CTCFL: variants seen among roughly 807,000 people sequenced by gnomAD.
CTCFL encodes the protein transcriptional repressor CTCFL.
In CTCFL, 36 loss-of-function variants were observed where a neutral mutation model predicts 67.4. That is an observed-to-expected ratio of 0.53 (90% CI 0.41 to 0.71). CTCFL has a LOEUF of 0.71. Ranked by LOEUF, CTCFL falls within the 30% of genes least tolerant of loss-of-function variation. The pLI is 0.00. For missense variants in CTCFL, 786 were observed against 835.2 expected (o/e 0.94, Z 0.73); for synonymous variants, 324 against 302.3 (o/e 1.07, Z -0.75).
At chr20:57,518,220 C>T (rs1340765846) in intron 5 of CTCFL, among the ~76,000 whole-genome samples, 2 of 152,188 alleles carry the variant, frequency 1.3e-5, no homozygotes, top group African/African-American at 2.4e-5. Context: ...GCCTGTTTCA[C>T]GTGAGTACCG....
chr20:57,508,905 G>T, intron 8 of CTCFL, 117 bp from the exon 9 acceptor site: 1 of 926,328 alleles, frequency 1.1e-6, no homozygotes, highest in Non-Finnish European at 1.6e-6. Flanking sequence ...CCACTATTAA[G>T]CAGAATTACT....
At chr20:57,520,356 C>T (rs1189222877) in intron 3 of CTCFL, among the ~76,000 whole-genome samples, 2 of 152,164 alleles carry the variant, frequency 1.3e-5, no homozygotes, top group Non-Finnish European at 2.9e-5. Flanking sequence ...AGACTCAGAC[C>T]TACAAAGACT....
At chr20:57,522,411 G>A (rs6099667) in intron 3 of CTCFL, among the ~76,000 whole-genome samples, 1 of 152,260 alleles carries the variant, frequency 6.6e-6, no homozygotes, top group Non-Finnish European at 1.5e-5. Context: ...TATTTTCATA[G>A]GACAAATTCA....
At chr20:57,502,176 G>T (rs1600636663) in intron 10 of CTCFL, among the ~76,000 whole-genome samples, 1 of 152,140 alleles carries the variant, frequency 6.6e-6, no homozygotes, top group Admixed American at 6.5e-5. Flanking sequence ...AAGGCAGGCC[G>T]GGGGCACACC....
chr20:57,505,908 T>G (rs1290243116), intron 9 of CTCFL, among the ~76,000 whole-genome samples: 1 of 152,246 alleles, frequency 6.6e-6, no homozygotes, highest in African/African-American at 2.4e-5. Flanking sequence ...TTGCAAATTA[T>G]GCGAAACATC....
chr20:57,508,519 G>T, intron 9 of CTCFL, 87 bp downstream of exon 9: 1 of 1,267,600 alleles, frequency 7.9e-7, no homozygotes, highest in Non-Finnish European at 1.1e-6. Flanking sequence ...TTCTATAATC[G>T]GGTTTAAACT....
At chr20:57,519,171 A>G (rs1441729185) in intron 4 of CTCFL, 36 bp downstream of exon 4, 27 of 1,604,120 alleles carry the variant, frequency 1.7e-5, no homozygotes, top group Non-Finnish European at 2.3e-5. Flanking sequence ...CTTAACACAC[A>G]TCATTCCAGA....
Position 57,523,707 on chromosome 20 carries a change from T to C in CTCFL, c.499A>G (p.Ser167Gly). ...EENVMVASED[S>G]KLAVSLAETT... ...TCAGCCAGGCTCACCGCTAACTTAC[T>C]GTCTTCACTGGCCACCATCACATTC... The change falls in exon 2 of 11, where the codon AGT becomes GGT. Residue 167 changes from serine (S) to glycine (G), a missense_variant. Coordinates refer to ENST00000243914, the MANE Select transcript of CTCFL (RefSeq NM_001386993.1). 1 of 1,613,510 alleles carries C rather than the reference T, an allele frequency of 6.2e-7. No homozygotes were observed. Among genetic ancestry groups the C allele is most frequent in the Non-Finnish European group, 8.5e-7 (1 of 1,180,004 alleles).
upstream of CTCFL, chr20:57,525,330 G>A: frequency 7.4e-6 from 1 of 134,234 alleles, no homozygotes; most frequent in Non-Finnish European, 1.6e-5. Context: ...GGATGAGGAG[G>A]GGAGGAGGGT....
At chr20:57,496,368 T>C, downstream of CTCFL, 1 of 604,998 alleles carries the variant, frequency 1.7e-6, no homozygotes, top group Non-Finnish European at 3.0e-6. Context: ...TGCGGAACTA[T>C]GAGTCAATTA....
chr20:57,497,350 C>T lies in CTCFL; in HGVS notation c.*1200G>A. The T allele has an allele frequency of 1.0e-6, 1 of 985,238 alleles. No homozygotes were observed. The highest frequency in any genetic ancestry group is 1.2e-6 in the Non-Finnish European group (1 of 829,794). 61.0% of individuals were successfully genotyped at this position (985,238 alleles called of 1,614,324 possible). ...GTACAAAGAGAATATAATGCTCTTC[C>T]TGCTGGGAAATTATTTCCACATATT... On this transcript the variant is annotated 3_prime_UTR_variant, in exon 11 of 11. Coordinates refer to ENST00000243914, the MANE Select transcript of CTCFL (RefSeq NM_001386993.1).
Position 57,523,276 on chromosome 20 carries a change from G to A in CTCFL, c.546C>T (p.Leu182=). ...ACTGGTTCTTCTCCTGCTCTTCCTCGAGCTAATAAACAACAAATATTCAAA... is the reference window on the plus strand; with the variant it reads ...ACTGGTTCTTCTCCTGCTCTTCCTCAAGCTAATAAACAACAAATATTCAAA... ...SLAETTGLIK[L]EEEQEKNQLL... The change falls in exon 3 of 11, where the codon CTC becomes CTT. Residue 182 remains leucine (L), a splice_region_variant and synonymous_variant. Transcript: ENST00000243914. 6.2e-7 allele frequency: 1 copy of A among 1,611,864 alleles called. No individual in the cohort carries two copies. The highest frequency in any genetic ancestry group is 8.5e-7 in the Non-Finnish European group (1 of 1,178,980).
chr20:57,497,306 G>A lies in CTCFL; in HGVS notation c.*1244C>T, dbSNP rs2067736972. On this transcript the variant is annotated 3_prime_UTR_variant, in exon 11 of 11. Transcript: ENST00000243914. The stretch of plus-strand genomic sequence containing the variant: ...ACAGAATTTAAATCTCATGTGAGTT[G>A]AGTTAAATTAATTTGCTGGTACAAA... 1 of 984,774 alleles carries A rather than the reference G, an allele frequency of 1.0e-6. No homozygotes were observed. The highest frequency in any genetic ancestry group is 4.7e-5 in the South Asian group (1 of 21,280). 61.0% of individuals were successfully genotyped at this position (984,774 alleles called of 1,614,324 possible).
chr20:57,519,103 A>G, intron 4 of CTCFL, 104 bp downstream of exon 4: 1 of 1,326,650 alleles, frequency 7.5e-7, no homozygotes, highest in Non-Finnish European at 1.0e-6. Flanking sequence ...AAACTAAAGT[A>G]TAAAATGTTA....
rs2068782826 is a variant in CTCFL, at chr20:57,514,627, T to C, written c.1295A>G (p.His432Arg). 1 of 1,614,184 alleles carries C rather than the reference T, an allele frequency of 6.2e-7. No individual in the cohort carries two copies. Among genetic ancestry groups the C allele is most frequent in the South Asian group, 1.1e-5 (1 of 91,080 alleles). Residue 432 changes from histidine to arginine, a missense_variant, in exon 7 of 11, where the codon CAT (histidine) becomes CGT (arginine). By Grantham distance (29) the His-to-Arg change is conservative. Around this residue, in one of 3 missense-constraint regions of CTCFL, gnomAD observed 254 missense variants for 333.9 expected, o/e 0.76. Transcript: ENST00000243914. ...TTTCCGTGCAATGATGGTGGCACAA[T>C]GGGGACACTGGTATTTGGGGACATT... ...GENVPKYQCP[H>R]CATIIARKSD...
chr20:57,497,449 C>A lies in CTCFL; in HGVS notation c.*1101G>T. ...ATATCTTAAGAATTTGAATTTAGGG[C>A]TTATCAATGATCTTGAAATACAGGG... On this transcript the variant is annotated 3_prime_UTR_variant, in exon 11 of 11. Transcript: ENST00000243914. 1 of 985,368 alleles carries A rather than the reference C, an allele frequency of 1.0e-6. No individual in the cohort carries two copies. Among genetic ancestry groups the A allele is most frequent in the Non-Finnish European group, 1.2e-6 (1 of 829,926 alleles). The allele number at this position is 985,368 out of a possible 1,614,324, so 61.0% of individuals were successfully genotyped here. A position where few individuals can be genotyped will look rare whatever the true frequency, so the allele number is the denominator to read the frequency against.
chr20:57,498,350 C>T lies in CTCFL; in HGVS notation c.*200G>A, dbSNP rs2067757930. The T allele has an allele frequency of 7.5e-7, 1 of 1,329,332 alleles. No homozygotes were observed. The highest frequency in any genetic ancestry group is 2.2e-5 in the South Asian group (1 of 46,400). The allele number at this position is 1,329,332 out of a possible 1,614,324, so 82.3% of individuals were successfully genotyped here. A position where few individuals can be genotyped will look rare whatever the true frequency, so the allele number is the denominator to read the frequency against. On this transcript the variant is annotated 3_prime_UTR_variant, in exon 11 of 11. Transcript: ENST00000243914. ...TCTAGACACTACCTCAAACTTGTGTCATCCATTGTCATGAACTTAATTGTT... is the reference window on the plus strand; with the variant it reads ...TCTAGACACTACCTCAAACTTGTGTTATCCATTGTCATGAACTTAATTGTT...
At chr20:57,515,017 CAAG>C in intron 6 of CTCFL, 1 of 427,930 alleles carries the variant, frequency 2.3e-6, no homozygotes, top group Admixed American at 4.0e-5. Context: ...TACGAATAAC[CAAG>C]AAGTACACAT....
At chr20:57,517,694 G>C (rs1236686743) in intron 5 of CTCFL, among the ~76,000 whole-genome samples, 1 of 152,128 alleles carries the variant, frequency 6.6e-6, no homozygotes, top group Non-Finnish European at 1.5e-5. Context: ...CAAGACTTGA[G>C]GAGACTGCAA....
Sources: allele counts gnomAD v4.1 joint callset (sites outside exome capture counted in the v4.1 genomes callset), GRCh38; gene constraint gnomAD v4.1.1; regional missense constraint gnomAD v4.1.1; transcripts MANE v1.5; gene names NCBI Gene and HGNC (gene_info 2026-07-23, HGNC 2026-07-21).